Variants in CORIN observed in about 807,000 individuals in gnomAD.
The protein encoded by CORIN is atrial natriuretic peptide-converting enzyme.
Under a neutral mutation model 125.3 loss-of-function variants are expected in CORIN, and 117 were observed. That is an observed-to-expected ratio of 0.93 (90% confidence interval 0.80 to 1.09). The LOEUF (loss-of-function observed/expected upper bound fraction) is 1.09. Among genes scored for constraint, CORIN ranks in the 50% least tolerant of loss-of-function variants. The pLI is 0.00. For missense variants in CORIN, 1,253 were observed against 1,306.7 expected (o/e 0.96, Z 0.63); for synonymous variants, 450 against 466.4 (o/e 0.96, Z 0.45).
chr4:47,688,119 T>C (rs1339643746), intron 6 of CORIN, among the ~76,000 whole-genome samples: 1 of 152,192 alleles, frequency 6.6e-6, no homozygotes, highest in African/African-American at 2.4e-5. Context: ...TTGCACAGTA[T>C]ACAAACATCA....
At chr4:47,734,013 T>C (rs61762911) in intron 5 of CORIN, among the ~76,000 whole-genome samples, 201 of 152,240 alleles carry the variant, frequency 1.3e-3, no homozygotes, top group Middle Eastern at 3.4e-3. Context: ...AAGGGGGCTG[T>C]AGCGGCGGGT....
intron 5 of CORIN, among the ~76,000 whole-genome samples, chr4:47,725,390 A>G (rs769438002): frequency 3.9e-5 from 6 of 152,170 alleles, no homozygotes; most frequent in Non-Finnish European, 7.4e-5. Context: ...AAGCCATACT[A>G]ATCAAAACAA....
In CORIN at chr4:47,595,689, T is replaced by TA; in HGVS notation, c.*31dup. 6.5e-7 allele frequency: 1 copy of TA among 1,549,814 alleles called. No individual in the cohort carries two copies. Among genetic ancestry groups the TA allele is most frequent in the South Asian group, 1.2e-5 (1 of 80,388 alleles). ...TCAAGAAGGCCATTTTCTTTTAGTG[T>TA]AGCTGGCAAAAGTCTCTGATCATCC... On this transcript the variant is annotated 3_prime_UTR_variant, in exon 22 of 22. Coordinates refer to ENST00000273857, the MANE Select transcript of CORIN (RefSeq NM_006587.4).
At position 47,801,065 on chromosome 4, in the gene CORIN, G is replaced by A. The variant is rs115378410; in HGVS notation, c.208+5838C>T. Reference sequence around the variant, plus strand: ...GCTTCAGTCCTATGCCAATGACTTGGAAGTTAAATTTTAAAGTCAGTGCTG... The same window carrying A: ...GCTTCAGTCCTATGCCAATGACTTGAAAGTTAAATTTTAAAGTCAGTGCTG... On this transcript the variant is annotated intron_variant, in intron 2 of 21. Transcript: ENST00000273857. 7.4e-3 allele frequency among the ~76,000 whole-genome samples: 1,129 copies of A among 152,210 alleles called. 13 individuals carry two copies. Among genetic ancestry groups the A allele is most frequent in the African/African-American group, 0.026 (1,066 of 41,520 alleles).
intron 13 of CORIN, among the ~76,000 whole-genome samples, chr4:47,648,001 T>C (rs1195935246): frequency 6.6e-6 from 1 of 152,184 alleles, no homozygotes; most frequent in Non-Finnish European, 1.5e-5. Context: ...TCTTTTCTCA[T>C]AAAAGTTTGC....
At chr4:47,800,721 T>G (rs1357079785) in intron 2 of CORIN, among the ~76,000 whole-genome samples, 1 of 152,006 alleles carries the variant, frequency 6.6e-6, no homozygotes, top group Non-Finnish European at 1.5e-5. Flanking sequence ...AGCGACTAAA[T>G]CTCCCACAGA....
chr4:47,620,314 A>G (rs1722253143), intron 19 of CORIN, among the ~76,000 whole-genome samples: 1 of 152,222 alleles, frequency 6.6e-6, no homozygotes, highest in African/African-American at 2.4e-5. Context: ...ACTAAACCAA[A>G]TGTCCATCAA....
intron 6 of CORIN, among the ~76,000 whole-genome samples, chr4:47,686,707 T>C (rs1337509422): frequency 6.6e-6 from 1 of 152,204 alleles, no homozygotes; most frequent in East Asian, 1.9e-4. Context: ...GAATCAGCAA[T>C]AGCCCGGGAA....
chr4:47,637,300 C>T (rs573158244), intron 16 of CORIN, among the ~76,000 whole-genome samples: 2 of 152,212 alleles, frequency 1.3e-5, no homozygotes, highest in African/African-American at 4.8e-5. Flanking sequence ...TGCAGCGTGA[C>T]AATGCAATAG....
intron 1 of CORIN, among the ~76,000 whole-genome samples, chr4:47,835,734 C>T (rs893352417): frequency 6.6e-6 from 1 of 152,210 alleles, no homozygotes; most frequent in Non-Finnish European, 1.5e-5. Context: ...AAGGAAACCA[C>T]AGCTGGTTGT....
rs1341584542 is a variant in CORIN, at chr4:47,806,991, A to T, written c.120T>A (p.Thr40=). The T allele has an allele frequency of 6.2e-7, 1 of 1,613,942 alleles. No homozygotes were observed. Among genetic ancestry groups the T allele is most frequent in the South Asian group, 1.1e-5 (1 of 91,080 alleles). The change falls in exon 2 of 22, where the codon ACT becomes ACA. Residue 40 remains threonine, a synonymous_variant. Coordinates refer to ENST00000273857, the MANE Select transcript of CORIN (RefSeq NM_006587.4). ...GCAATAGGAACCGGAGGAGGTTAGC[A>T]GTCGCCAGCTTCTGAGAGCAGCCAT... The part of the protein sequence containing the change: ...MGNGCSQKLA[T]ANLLRFLLLV...
chr4:47,666,297 T>C (rs1475341318), intron 10 of CORIN, among the ~76,000 whole-genome samples: 1 of 152,234 alleles, frequency 6.6e-6, no homozygotes, highest in Non-Finnish European at 1.5e-5. Flanking sequence ...TACACAATCC[T>C]GAGATTTTTG....
intron 19 of CORIN, among the ~76,000 whole-genome samples, chr4:47,615,225 A>G (rs1722029189): frequency 6.6e-6 from 1 of 152,230 alleles, no homozygotes; most frequent in Non-Finnish European, 1.5e-5. Context: ...CTGGGACTAG[A>G]CCTTAATAGG....
intron 16 of CORIN, among the ~76,000 whole-genome samples, chr4:47,639,304 G>A (rs1723147106): frequency 6.6e-6 from 1 of 152,056 alleles, no homozygotes; most frequent in East Asian, 1.9e-4. Context: ...TATGCAATAA[G>A]TCTACACCAT....
At chr4:47,756,873 A>G (rs935148773) in intron 4 of CORIN, among the ~76,000 whole-genome samples, 1 of 152,244 alleles carries the variant, frequency 6.6e-6, no homozygotes, top group Admixed American at 6.5e-5. Flanking sequence ...GCAGTACATG[A>G]TGTGTACATT....
At chr4:47,623,393 C>T (rs7699738) in intron 19 of CORIN, among the ~76,000 whole-genome samples, 178 bp downstream of exon 19, 40,706 of 151,624 alleles carry the variant, frequency 0.27, 5,561 homozygotes, top group Admixed American at 0.35. Context: ...ATGAGCAGCC[C>T]ACATATTAGA....
chr4:47,603,707 CTA>C (rs1259864316), intron 19 of CORIN, 39 bp from the exon 20 acceptor site: 26 of 1,589,148 alleles, frequency 1.6e-5, no homozygotes, highest in Non-Finnish European at 2.1e-5. Context: ...ATCTTAAACT[CTA>C]GTTTATCATG....
chr4:47,630,744 T>A (rs1008909399), intron 16 of CORIN, among the ~76,000 whole-genome samples: 1 of 152,238 alleles, frequency 6.6e-6, no homozygotes, highest in African/African-American at 2.4e-5. Flanking sequence ...ACTCTTGGAC[T>A]CCTGAGAACA....
In CORIN at chr4:47,626,971, GGTT is replaced by G. The variant is rs111543039; in HGVS notation, c.2199-453_2199-451del. Among the ~76,000 whole-genome samples the G allele has an allele frequency of 4.8e-3, 733 of 151,290 alleles. 6 individuals are homozygous for G. Among genetic ancestry groups the G allele is most frequent in the African/African-American group, 0.017 (684 of 41,224 alleles). ...GAATTGTAATATTTCTATGTTTGTA[GGTT>G]GTTGTTGTTGTTGTTGTTGTTTTTT... On this transcript the variant is annotated intron_variant, in intron 16 of 21. Coordinates refer to ENST00000273857, the MANE Select transcript of CORIN (RefSeq NM_006587.4).
Sources: gnomAD v4.1 joint callset for allele counts (sites outside exome capture counted in the v4.1 genomes callset) on GRCh38, gnomAD v4.1.1 for gene constraint, MANE v1.5 for transcripts, NCBI Gene and HGNC (gene_info 2026-07-23, HGNC 2026-07-21) for gene names.